Variants in SSTR2 observed in about 807,000 individuals in gnomAD.
SSTR2 encodes somatostatin receptor type 2.
In SSTR2, 10 loss-of-function variants were observed where a neutral mutation model predicts 21.4. The observed-to-expected ratio is 0.47, with a 90% CI of 0.29 to 0.79. SSTR2 has a LOEUF of 0.79. SSTR2 is among the 30% of genes least tolerant of loss of function. The pLI is 0.10. For synonymous variants in SSTR2, 177 were observed against 181.3 expected (o/e 0.98, Z 0.19); for missense variants, 364 against 468.8 (o/e 0.78, Z 2.06).
At chr17:73,166,165 C>G (rs530634403) in intron 1 of SSTR2, among the ~76,000 whole-genome samples, 3 of 152,372 alleles carry the variant, frequency 2.0e-5, no homozygotes, top group South Asian at 4.1e-4. Context: ...TTCTCAACCC[C>G]GTAGGCCAGC....
In SSTR2 at chr17:73,169,788, C is replaced by G; in HGVS notation, c.469C>G (p.Arg157Gly). 1 of 1,614,144 alleles carries G rather than the reference C, an allele frequency of 6.2e-7. No individual in the cohort carries two copies. The highest frequency in any genetic ancestry group is 8.5e-7 in the Non-Finnish European group (1 of 1,180,034). The stretch of plus-strand genomic sequence containing the variant: ...CAAGTCGGCCAAGTGGAGGAGACCC[C>G]GGACGGCCAAGATGATCACCATGGC... Reference protein sequence around the residue: ...PIKSAKWRRPRTAKMITMAVW... With the variant: ...PIKSAKWRRPGTAKMITMAVW... Residue 157 changes from arginine (R) to glycine (G), a missense_variant, in exon 2 of 2, where the codon CGG (arginine) becomes GGG (glycine). Coordinates refer to ENST00000357585, the MANE Select transcript of SSTR2 (RefSeq NM_001050.3). The surrounding 1 kb of genome is among the most constrained non-coding windows in gnomAD (Gnocchi z 5.2).
In SSTR2 at chr17:73,169,408, C is replaced by A. The variant is rs1222368672; in HGVS notation, c.89C>A (p.Thr30Asn). The change falls in exon 2 of 2, where the codon ACC becomes AAC. Residue 30 changes from threonine to asparagine, a missense_variant. Physicochemically the swap from Thr to Asn is moderately conservative, Grantham distance 65 (BLOSUM62 0). Transcript: ENST00000357585. This position sits in a 1 kb window ranked among gnomAD's most constrained non-coding sequence, Gnocchi z 5.2. ...DLNGSVVSTN[T>N]SNQTEPYYDL... ...AATGGCTCTGTGGTGTCAACCAACA[C>A]CTCAAACCAGACAGAGCCGTACTAT... 1.2e-6 allele frequency: 2 copies of A among 1,614,126 alleles called. No homozygotes were observed. Among genetic ancestry groups the A allele is most frequent in the African/African-American group, 2.7e-5 (2 of 74,946 alleles).
chr17:73,166,096 G>A (rs2061215347), intron 1 of SSTR2, among the ~76,000 whole-genome samples: 1 of 152,220 alleles, frequency 6.6e-6, no homozygotes, highest in Non-Finnish European at 1.5e-5. Flanking sequence ...GCCAGGAGGA[G>A]GACTTTCTGT....
In SSTR2 at chr17:73,170,753, G is replaced by A. The variant is rs1243005619; in HGVS notation, c.*324G>A. On this transcript the variant is annotated 3_prime_UTR_variant, in exon 2 of 2. Coordinates refer to ENST00000357585, the MANE Select transcript of SSTR2 (RefSeq NM_001050.3). ...ATAAGTATCTGTGTGTTTGTGTATT[G>A]AAAACTCAATATGTAATCTTGTGTT... The A allele has an allele frequency of 1.9e-6, 1 of 519,582 alleles. No individual in the cohort carries two copies. Among genetic ancestry groups the A allele is most frequent in the African/African-American group, 1.9e-5 (1 of 51,894 alleles). 32.2% of individuals were successfully genotyped at this position (519,582 alleles called of 1,614,324 possible).
At chr17:73,166,144 C>G (rs533204940) in intron 1 of SSTR2, among the ~76,000 whole-genome samples, 1 of 152,230 alleles carries the variant, frequency 6.6e-6, no homozygotes, top group Non-Finnish European at 1.5e-5. Flanking sequence ...TCCTGACACT[C>G]GCCCCTCCAT....
In SSTR2 at chr17:73,176,175, A is replaced by T. The variant is rs1287203549; in HGVS notation, c.*5746A>T. ...GCCATGCTTCTTCTGCCCTCCCAGT[A>T]GGCTGGGCTATCAGTTCCTGGGAGG... On this transcript the variant is annotated 3_prime_UTR_variant, in exon 2 of 2. Coordinates refer to ENST00000357585, the MANE Select transcript of SSTR2 (RefSeq NM_001050.3). The T allele has an allele frequency of 6.6e-6, 1 of 152,250 alleles. No individual in the cohort carries two copies. Among genetic ancestry groups the T allele is most frequent in the Non-Finnish European group, 1.5e-5 (1 of 68,044 alleles). 9.4% of individuals were successfully genotyped at this position (152,250 alleles called of 1,614,324 possible). A position where few individuals can be genotyped will look rare whatever the true frequency, so the allele number is the denominator to read the frequency against.
Position 73,170,529 on chromosome 17 carries a change from T to C in SSTR2, c.*100T>C. 1 of 1,452,672 alleles carries C rather than the reference T, an allele frequency of 6.9e-7. No individual in the cohort carries two copies. Among genetic ancestry groups the C allele is most frequent in the Non-Finnish European group, 9.5e-7 (1 of 1,052,742 alleles). The allele number at this position is 1,452,672 out of a possible 1,614,324, so 90.0% of individuals were successfully genotyped here. On this transcript the variant is annotated 3_prime_UTR_variant, in exon 2 of 2. Transcript: ENST00000357585. ...CTGCCTCCCACCCCTCACACCTGGC[T>C]TCTAGAATAGAGGATTGCTCAGCAT...
chr17:73,169,432 A>G lies in SSTR2; in HGVS notation c.113A>G (p.Tyr38Cys). ...ACCTCAAACCAGACAGAGCCGTACT[A>G]TGACCTGACAAGCAATGCAGTCCTC... ...TNTSNQTEPY[Y>C]DLTSNAVLTF... The change falls in exon 2 of 2, where the codon TAT becomes TGT. Residue 38 changes from tyrosine to cysteine, a missense_variant. By Grantham distance (194) the Tyr-to-Cys change is radical. This residue lies in a region of SSTR2 where 75 missense variants were observed against 75.4 expected (regional missense o/e 0.99). Coordinates refer to ENST00000357585, the MANE Select transcript of SSTR2 (RefSeq NM_001050.3). This position sits in a 1 kb window ranked among gnomAD's most constrained non-coding sequence, Gnocchi z 5.2. 1 of 1,614,230 alleles carries G rather than the reference A, an allele frequency of 6.2e-7. No homozygotes were observed. The highest frequency in any genetic ancestry group is 8.5e-7 in the Non-Finnish European group (1 of 1,180,046).
Position 73,170,118 on chromosome 17 carries a change from T to C in SSTR2, c.799T>C (p.Phe267Leu). 1.9e-6 allele frequency: 3 copies of C among 1,614,234 alleles called. No homozygotes were observed. The highest frequency in any genetic ancestry group is 2.5e-6 in the Non-Finnish European group (3 of 1,180,038). Residue 267 changes from phenylalanine (F) to leucine (L), a missense_variant, in exon 2 of 2, where the codon TTC (phenylalanine) becomes CTC (leucine). Physicochemically the swap from Phe to Leu is conservative, Grantham distance 22. Coordinates refer to ENST00000357585, the MANE Select transcript of SSTR2 (RefSeq NM_001050.3). The stretch of plus-strand genomic sequence containing the variant: ...GTCCATCGTGGTGGCTGTCTTCATC[T>C]TCTGCTGGCTTCCCTTCTACATATT... ...MVSIVVAVFIFCWLPFYIFNV... is the reference protein window; with the variant it reads ...MVSIVVAVFILCWLPFYIFNV...
chr17:73,172,941 T>A lies in SSTR2; in HGVS notation c.*2512T>A, dbSNP rs1382815144. 1 of 152,178 alleles carries A rather than the reference T, an allele frequency of 6.6e-6. No individual in the cohort carries two copies. Among genetic ancestry groups the A allele is most frequent in the Non-Finnish European group, 1.5e-5 (1 of 68,024 alleles). 9.4% of individuals were successfully genotyped at this position (152,178 alleles called of 1,614,324 possible). The stretch of plus-strand genomic sequence containing the variant: ...TCTACAGGCCGGGCGTGGTGGCTTA[T>A]GCCTGTAATCCCACACTTTGGGAGG... On this transcript the variant is annotated 3_prime_UTR_variant, in exon 2 of 2. Coordinates refer to ENST00000357585, the MANE Select transcript of SSTR2 (RefSeq NM_001050.3).
rs1447005529 is a variant in SSTR2 at position 73,171,918 on chromosome 17, T to C, written c.*1489T>C. 1 of 20,696 alleles carries C rather than the reference T, an allele frequency of 4.8e-5. No individual in the cohort carries two copies. Among genetic ancestry groups the C allele is most frequent in the African/African-American group, 2.2e-4 (1 of 4,616 alleles). The allele number at this position is 20,696 out of a possible 1,614,324, so 1.3% of individuals were successfully genotyped here. A position where few individuals can be genotyped will look rare whatever the true frequency, so the allele number is the denominator to read the frequency against. On this transcript the variant is annotated 3_prime_UTR_variant, in exon 2 of 2. Coordinates refer to ENST00000357585, the MANE Select transcript of SSTR2 (RefSeq NM_001050.3). Reference sequence around the variant, plus strand: ...CCTGAGCAACAAGAGCAAAACTCAGTCTCAAAAAAAAAAAAAAAAAAAAAA... The same window carrying C: ...CCTGAGCAACAAGAGCAAAACTCAGCCTCAAAAAAAAAAAAAAAAAAAAAA...
intron 1 of SSTR2, among the ~76,000 whole-genome samples, chr17:73,167,708 A>G (rs2061220778): frequency 6.6e-6 from 1 of 152,090 alleles, no homozygotes; most frequent in South Asian, 2.1e-4. Context: ...TAAGTCCTTC[A>G]TTTATCTCTC....
At chr17:73,168,833 C>T (rs2061224410) in intron 1 of SSTR2, among the ~76,000 whole-genome samples, 1 of 152,154 alleles carries the variant, frequency 6.6e-6, no homozygotes, top group African/African-American at 2.4e-5. Flanking sequence ...AGGCAGTCAG[C>T]AAGTCAGCAT....
At chr17:73,166,160 A>G in intron 1 of SSTR2, among the ~76,000 whole-genome samples, 1 of 152,184 alleles carries the variant, frequency 6.6e-6, no homozygotes, top group East Asian at 1.9e-4. Context: ...TCCATTTCTC[A>G]ACCCCGTAGG....
In SSTR2 at chr17:73,171,815, G is replaced by A. The variant is rs1045899607; in HGVS notation, c.*1386G>A. 2.0e-5 allele frequency: 3 copies of A among 151,126 alleles called. No individual in the cohort carries two copies. Among genetic ancestry groups the A allele is most frequent in the African/African-American group, 7.3e-5 (3 of 41,028 alleles). The allele number at this position is 151,126 out of a possible 1,614,324, so 9.4% of individuals were successfully genotyped here. A position where few individuals can be genotyped will look rare whatever the true frequency, so the allele number is the denominator to read the frequency against. ...ACGTGCCTGTAATCCTAGCTGCTCGGGAGGCTGAGGCAGGAGAATCACTTG... is the reference window on the plus strand; with the variant it reads ...ACGTGCCTGTAATCCTAGCTGCTCGAGAGGCTGAGGCAGGAGAATCACTTG... On this transcript the variant is annotated 3_prime_UTR_variant, in exon 2 of 2. Transcript: ENST00000357585.
In SSTR2 at chr17:73,171,006, T is replaced by C. The variant is rs2145070723; in HGVS notation, c.*577T>C. On this transcript the variant is annotated 3_prime_UTR_variant, in exon 2 of 2. Coordinates refer to ENST00000357585, the MANE Select transcript of SSTR2 (RefSeq NM_001050.3). ...GCCCAGGAGGGACTTGGGCAGTATGTTCATGTGGTCATATGTTTTTGTAAA... is the reference window on the plus strand; with the variant it reads ...GCCCAGGAGGGACTTGGGCAGTATGCTCATGTGGTCATATGTTTTTGTAAA... The C allele has an allele frequency of 4.0e-6, 1 of 250,614 alleles. No individual in the cohort carries two copies. The highest frequency in any genetic ancestry group is 9.9e-5 in the East Asian group (1 of 10,066). 15.5% of individuals were successfully genotyped at this position (250,614 alleles called of 1,614,324 possible). A position where few individuals can be genotyped will look rare whatever the true frequency, so the allele number is the denominator to read the frequency against.
intron 1 of SSTR2, among the ~76,000 whole-genome samples, chr17:73,165,850 G>A (rs1189420317): frequency 6.6e-6 from 1 of 151,052 alleles, no homozygotes; most frequent in Non-Finnish European, 1.5e-5. Flanking sequence ...TAGGTTTGGA[G>A]AGAAAAAACC....
intron 1 of SSTR2, among the ~76,000 whole-genome samples, chr17:73,168,635 C>CA (rs1303539417): frequency 1.3e-5 from 2 of 152,122 alleles, no homozygotes; most frequent in Non-Finnish European, 2.9e-5. Flanking sequence ...GAGCCCAACG[C>CA]AAGGCTAGGC....
At position 73,169,276 on chromosome 17, in the gene SSTR2, G is replaced by T; in HGVS notation, c.-44G>T. On this transcript the variant is annotated 5_prime_UTR_variant, in exon 2 of 2. Coordinates refer to ENST00000357585, the MANE Select transcript of SSTR2 (RefSeq NM_001050.3). This position sits in a 1 kb window ranked among gnomAD's most constrained non-coding sequence, Gnocchi z 5.2. ...CCAGGGTCCATTAAGGTGAGAATAA[G>T]ATCTCTGGGCTGGCTGGAACTAGCC... is the stretch of plus-strand genomic sequence containing the variant. 1 of 1,576,944 alleles carries T rather than the reference G, an allele frequency of 6.3e-7. No individual in the cohort carries two copies. The highest frequency in any genetic ancestry group is 8.6e-7 in the Non-Finnish European group (1 of 1,161,408).
Sources: allele counts gnomAD v4.1 joint callset (sites outside exome capture counted in the v4.1 genomes callset), GRCh38; gene constraint gnomAD v4.1.1; regional missense constraint gnomAD v4.1.1; non-coding constraint Gnocchi (gnomAD v3.1); transcripts MANE v1.5; gene names NCBI Gene and HGNC (gene_info 2026-07-23, HGNC 2026-07-21).